RANBP2: variants seen among roughly 807,000 people sequenced by gnomAD.
The protein encoded by RANBP2 is RAN binding protein 2.
RANBP2 carries 57 observed loss-of-function variants against 303.6 expected under a neutral mutation model. The ratio of observed to expected loss-of-function variants is 0.19; its 90% CI spans 0.15 to 0.23. RANBP2 has a LOEUF of 0.23. Among genes scored for constraint, RANBP2 ranks in the 10% least tolerant of loss-of-function variants. The pLI is 1.00. For missense variants in RANBP2, 3,138 were observed against 3,780.8 expected, an observed-to-expected ratio of 0.83 and a Z score of 4.46; for synonymous variants, 1,167 against 1,301.5, an observed-to-expected ratio of 0.90 and a Z score of 2.23.
chr2:109,118,754 T>A, the RANBP2 span, among the ~76,000 whole-genome samples: 3 of 152,104 alleles, frequency 2.0e-5, no homozygotes, highest in Non-Finnish European at 4.4e-5. Flanking sequence ...GGGACCAGAT[T>A]TCATTCCCAG....
chr2:109,023,221 C>T, the RANBP2 span, among the ~76,000 whole-genome samples: 1,340 of 152,244 alleles, frequency 8.8e-3, 17 homozygotes, highest in East Asian at 0.036. Context: ...GCGCAGGCTG[C>T]GTTAACAGAG....
chr2:108,909,442 T>TGAATCATAGAAAGATCATG, the RANBP2 span, among the ~76,000 whole-genome samples: 1 of 151,412 alleles, frequency 6.6e-6, no homozygotes, highest in Non-Finnish European at 1.5e-5. Flanking sequence ...CTTTGCAAGG[T>TGAATCATAGAAAGATCATG]GAATCATAGG....
chr2:109,579,009 G>T, the RANBP2 span, among the ~76,000 whole-genome samples: 2 of 152,184 alleles, frequency 1.3e-5, no homozygotes, highest in South Asian at 4.2e-4. Flanking sequence ...TATTTGAAAA[G>T]ATTAAATAAA....
At chr2:109,586,270 T>C in the RANBP2 span, among the ~76,000 whole-genome samples, 1 of 152,120 alleles carries the variant, frequency 6.6e-6, no homozygotes, top group African/African-American at 2.4e-5. Flanking sequence ...GTAACTTAGG[T>C]CAAACTTACC....
chr2:109,128,279 GAA>G, the RANBP2 span: 1 of 152,256 alleles, frequency 6.6e-6, no homozygotes, highest in South Asian at 2.1e-4. Context: ...GGGGCGTCGG[GAA>G]GGAGAGCGCG....
chr2:108,931,562 A>C, the RANBP2 span, among the ~76,000 whole-genome samples: 1 of 152,196 alleles, frequency 6.6e-6, no homozygotes, highest in East Asian at 1.9e-4. Context: ...TACAGTTGAG[A>C]TAGTGGGAGC....
the RANBP2 span, among the ~76,000 whole-genome samples, chr2:109,159,917 A>G: frequency 6.6e-6 from 1 of 152,316 alleles, no homozygotes; most frequent in Non-Finnish European, 1.5e-5. Flanking sequence ...ATTCTACATT[A>G]TGGTGAGTTG....
chr2:109,366,269 CT>C, the RANBP2 span, among the ~76,000 whole-genome samples: 3 of 152,154 alleles, frequency 2.0e-5, no homozygotes, highest in South Asian at 4.2e-4. Flanking sequence ...TCTTACTTTG[CT>C]TTTTTCGTTT....
the RANBP2 span, among the ~76,000 whole-genome samples, chr2:109,402,372 A>T: frequency 1.3e-5 from 2 of 152,238 alleles, no homozygotes; most frequent in African/African-American, 2.4e-5. Context: ...CAGGCCCAGG[A>T]TTCTGTGGTC....
chr2:109,434,280 T>C, the RANBP2 span, among the ~76,000 whole-genome samples: 3 of 152,250 alleles, frequency 2.0e-5, no homozygotes, highest in Non-Finnish European at 4.4e-5. Context: ...CCTACTGTTA[T>C]ATGAGGAGGC....
At chr2:109,618,203 C>T in the RANBP2 span, 2 of 166,828 alleles carry the variant, frequency 1.2e-5, no homozygotes, top group Admixed American at 1.3e-4. Flanking sequence ...GAAAAGTAGT[C>T]ATTTGTTCTA....
At chr2:109,558,892 C>CT in the RANBP2 span, among the ~76,000 whole-genome samples, 24,799 of 147,668 alleles carry the variant, frequency 0.17, 2,446 homozygotes, top group African/African-American at 0.29. Flanking sequence ...GATATAAATT[C>CT]TTTTTTTTTT....
chr2:109,613,969 A>G, the RANBP2 span: 2 of 1,009,136 alleles, frequency 2.0e-6, no homozygotes, highest in African/African-American at 1.8e-5. Context: ...GGGAAGGGAC[A>G]GGGGCGGGGC....
chr2:109,252,209 C>T, the RANBP2 span, among the ~76,000 whole-genome samples: 2 of 150,734 alleles, frequency 1.3e-5, no homozygotes, highest in African/African-American at 4.9e-5. Flanking sequence ...GATTGCACCA[C>T]TGCGCTCCAG....
the RANBP2 span, among the ~76,000 whole-genome samples, chr2:109,290,497 A>G: frequency 5.3e-5 from 8 of 152,092 alleles, no homozygotes; most frequent in African/African-American, 1.4e-4. Context: ...CCCAACTTCT[A>G]TTTTCCTCAC....
chr2:108,994,440 A>G, the RANBP2 span, among the ~76,000 whole-genome samples: 2 of 152,194 alleles, frequency 1.3e-5, no homozygotes, highest in Non-Finnish European at 2.9e-5. Context: ...GCAAAGGTTC[A>G]AATACTAAAT....
chr2:109,621,982 T>C, the RANBP2 span, among the ~76,000 whole-genome samples: 5 of 152,078 alleles, frequency 3.3e-5, no homozygotes, highest in Non-Finnish European at 7.3e-5. Flanking sequence ...TCAGCACTAT[T>C]GAGCAAAGAA....
the RANBP2 span, among the ~76,000 whole-genome samples, chr2:109,248,839 C>T: frequency 6.8e-6 from 1 of 146,710 alleles, no homozygotes; most frequent in Non-Finnish European, 1.5e-5. Flanking sequence ...CTCTTTTCTC[C>T]TTTTCGTTTT....
At chr2:109,586,977 A>G in the RANBP2 span, among the ~76,000 whole-genome samples, 8 of 152,212 alleles carry the variant, frequency 5.3e-5, no homozygotes, top group African/African-American at 1.9e-4. Context: ...TATCTACTAT[A>G]CAATAAAAAA....
Sources: allele counts gnomAD v4.1 joint callset (sites outside exome capture counted in the v4.1 genomes callset), GRCh38; gene constraint gnomAD v4.1.1; transcripts MANE v1.5; gene names NCBI Gene and HGNC (gene_info 2026-07-23, HGNC 2026-07-21).